The following A2ML1 variants were observed in gnomAD, a reference collection of about 807,000 sequenced individuals.
A2ML1 encodes alpha-2-macroglobulin-like protein 1.
A2ML1 carries 161 observed loss-of-function variants against 181.9 expected under a neutral mutation model. The ratio of observed to expected loss-of-function variants is 0.89; its 90% CI spans 0.78 to 1.01. The LOEUF is 1.01. Ranked by LOEUF, A2ML1 falls within the 50% of genes least tolerant of loss-of-function variation. The pLI is 0.00. For missense variants in A2ML1, 1,670 were observed against 1,768.1 expected, an observed-to-expected ratio of 0.94 and a Z score of 1.00; for synonymous variants, 663 against 666.8, an observed-to-expected ratio of 0.99 and a Z score of 0.09.
In A2ML1 at chr12:8,851,413, CT is replaced by C. The variant is rs374944221; in HGVS notation, c.2235-360del. 1.9e-3 allele frequency among the ~76,000 whole-genome samples: 281 copies of C among 144,970 alleles called. 2 individuals carry two copies. Among genetic ancestry groups the C allele is most frequent in the East Asian group, 0.012 (60 of 4,950 alleles). On this transcript the variant is annotated intron_variant, in intron 18 of 35. Transcript: ENST00000299698. ...TTTACTTCTGCAGATGAATTTGTAG[CT>C]TTTTTTTTTTGGACAGGGTCTTGCC... is the stretch of plus-strand genomic sequence containing the variant.
At chr12:8,823,933 C>G (rs1252566930) in intron 3 of A2ML1, 51 bp downstream of exon 3, 1 of 1,564,388 alleles carries the variant, frequency 6.4e-7, no homozygotes, top group South Asian at 1.2e-5. Context: ...AACCGCTGTG[C>G]ACAGGGGTAA....
rs1478201192 is a variant in A2ML1, at chr12:8,845,091, T to A, written c.1477-351T>A. The A allele has an allele frequency of 2.1e-6, 3 of 1,445,884 alleles. No homozygotes were observed. In the Admixed American group the frequency reaches 8.2e-5, roughly 39 times the overall value. The allele number at this position is 1,445,884 out of a possible 1,614,324, so 89.6% of individuals were successfully genotyped here. On this transcript the variant is annotated intron_variant, in intron 12 of 35. Coordinates refer to ENST00000299698, the MANE Select transcript of A2ML1 (RefSeq NM_144670.6). ...TGTAATTAAAAAACACTTATGAGGA[T>A]AGATTTTCGCTGACTTTCTGTTACA...
chr12:8,827,276 G>T lies in A2ML1; in HGVS notation c.410-2451G>T, dbSNP rs1592099937. On this transcript the variant is annotated intron_variant, in intron 3 of 35. Transcript: ENST00000299698. ...AATCACTTGAACCAGGGAGGCGGAG[G>T]TCACATGAGCCAAGATCACATTACT... Among the ~76,000 whole-genome samples, 2 of 152,208 alleles carry T rather than the reference G, an allele frequency of 1.3e-5. 1 individual carries two copies. Among genetic ancestry groups the T allele is most frequent in the South Asian group, 4.1e-4 (2 of 4,824 alleles).
intron 7 of A2ML1, among the ~76,000 whole-genome samples, chr12:8,882,989 G>T (rs1002967862): frequency 1.3e-5 from 2 of 152,008 alleles, no homozygotes; most frequent in Non-Finnish European, 2.9e-5. Flanking sequence ...CGGAACATTT[G>T]GTTCCCAATT....
intron 28 of A2ML1, among the ~76,000 whole-genome samples, chr12:8,863,305 C>T (rs1322082586): frequency 6.6e-6 from 1 of 151,992 alleles, no homozygotes; most frequent in East Asian, 1.9e-4. Flanking sequence ...AGGGTTTCTC[C>T]ATGTTGGTCA....
At position 8,847,639 on chromosome 12, in the gene A2ML1, C is replaced by T. The variant is rs748309907; in HGVS notation, c.1774C>T (p.Arg592Trp). 29 of 1,613,702 alleles carry T rather than the reference C, an allele frequency of 1.8e-5. No individual in the cohort carries two copies. Among genetic ancestry groups the T allele is most frequent in the East Asian group, 8.9e-5 (4 of 44,790 alleles). ...AGCTCCCGGATCCCTGTGTGCGCTC[C>T]GGGCGGTGGATGAGAGTGTCTTACT... ...QAAPGSLCAL[R>W]AVDESVLLLR... is the part of the protein sequence containing the mutation. Residue 592 changes from arginine (R) to tryptophan (W), a missense_variant, in exon 15 of 36, where the codon CGG becomes TGG. Coordinates refer to ENST00000299698, the MANE Select transcript of A2ML1 (RefSeq NM_144670.6).
chr12:8,853,617 G>GA (rs1252206564), intron 20 of A2ML1, among the ~76,000 whole-genome samples: 7 of 152,140 alleles, frequency 4.6e-5, no homozygotes, highest in Admixed American at 1.3e-4. Context: ...GATCCTTACA[G>GA]GCTGCTAGAC....
At chr12:8,843,745 G>A (rs151203389) in intron 12 of A2ML1, among the ~76,000 whole-genome samples, 2,191 of 138,100 alleles carry the variant, frequency 0.016, 29 homozygotes, top group African/African-American at 0.04. Flanking sequence ...TTGAGACACA[G>A]TCTCGCTCAG....
rs764222230 is a variant in A2ML1, at chr12:8,863,976, C to T, written c.3685C>T (p.His1229Tyr). 46 of 1,612,778 alleles carry T rather than the reference C, an allele frequency of 2.9e-5. No individual in the cohort carries two copies. Among genetic ancestry groups the T allele is most frequent in the East Asian group, 4.5e-5 (2 of 44,890 alleles). The stretch of plus-strand genomic sequence containing the variant: ...CATAGTGGCTTGGTTGGCCAAGCAA[C>T]ACAATGCATATGGGGGCTTCTCTTC... ...TSIVAWLAKQ[H>Y]NAYGGFSSTQ... Residue 1229 changes from histidine to tyrosine, a missense_variant, in exon 29 of 36, where the codon CAC becomes TAC. Coordinates refer to ENST00000299698, the MANE Select transcript of A2ML1 (RefSeq NM_144670.6).
At chr12:8,842,346 G>A (rs886859327) in intron 11 of A2ML1, among the ~76,000 whole-genome samples, 2 of 151,834 alleles carry the variant, frequency 1.3e-5, no homozygotes, top group African/African-American at 4.8e-5. Flanking sequence ...GCCTCCCCGA[G>A]TAGCTGGGAC....
At chr12:8,837,181 A>G (rs1198036611) in intron 7 of A2ML1, among the ~76,000 whole-genome samples, 2 of 151,974 alleles carry the variant, frequency 1.3e-5, no homozygotes, top group Non-Finnish European at 2.9e-5. Flanking sequence ...CACCATGCCC[A>G]GCAAATTTTT....
intron 3 of A2ML1, among the ~76,000 whole-genome samples, chr12:8,827,450 C>G (rs184416800): frequency 3.3e-5 from 5 of 152,148 alleles, no homozygotes; most frequent in African/African-American, 1.2e-4. Flanking sequence ...AAAGTCAATA[C>G]CTCTTTTTTT....
chr12:8,839,310 T>G, intron 10 of A2ML1, 88 bp downstream of exon 10: 1 of 839,818 alleles, frequency 1.2e-6, no homozygotes, highest in Non-Finnish European at 1.9e-6. Context: ...CATAGCTAAC[T>G]TAGTGCTGTT....
At chr12:8,860,835 GCTGCTGC>G (rs1276985679) in intron 26 of A2ML1, 39 bp from the exon 27 acceptor site, 25 of 1,545,228 alleles carry the variant, frequency 1.6e-5, no homozygotes, top group Non-Finnish European at 2.1e-5. Flanking sequence ...AATTCTTGCA[GCTGCTGC>G]CTGCTGCCCT....
chr12:8,839,225 A>G lies in A2ML1; in HGVS notation c.1080+3A>G. ...CAAATTTCCCCTTCAGTGGGAAGGTATGTTAAAACTTTTCTCTGCATAGAC... is the reference window on the plus strand; with the variant it reads ...CAAATTTCCCCTTCAGTGGGAAGGTGTGTTAAAACTTTTCTCTGCATAGAC... On this transcript the variant is annotated splice_donor_region_variant and intron_variant, in intron 10 of 35. Coordinates refer to ENST00000299698, the MANE Select transcript of A2ML1 (RefSeq NM_144670.6). 6.2e-7 allele frequency: 1 copy of G among 1,607,390 alleles called. No individual in the cohort carries two copies. Among genetic ancestry groups the G allele is most frequent in the Non-Finnish European group, 8.5e-7 (1 of 1,174,684 alleles).
chr12:8,830,042 CATTTT>C (rs761928363), intron 4 of A2ML1, among the ~76,000 whole-genome samples: 2 of 152,034 alleles, frequency 1.3e-5, no homozygotes, highest in African/African-American at 2.4e-5. Flanking sequence ...TGCTCCTTGT[CATTTT>C]ATTTTATTTA....
At chr12:8,863,608 G>GGT (rs1353987950) in intron 28 of A2ML1, among the ~76,000 whole-genome samples, 186 bp from the exon 29 acceptor site, 22 of 152,240 alleles carry the variant, frequency 1.4e-4, no homozygotes, top group East Asian at 9.7e-4. Context: ...TTTACACACA[G>GGT]GCACGCACAT....
At chr12:8,880,272 A>G (rs1000265639), downstream of A2ML1, among the ~76,000 whole-genome samples, 3 of 152,214 alleles carry the variant, frequency 2.0e-5, no homozygotes, top group African/African-American at 4.8e-5. Flanking sequence ...AGGCTGAGGC[A>G]TGAGAATTGC....
chr12:8,848,003 A>G (rs902059772), intron 15 of A2ML1, among the ~76,000 whole-genome samples: 1 of 126,430 alleles, frequency 7.9e-6, no homozygotes, highest in African/African-American at 3.1e-5. Flanking sequence ...AAAAAAAAAA[A>G]TTAACTGGGC....
Sources: gnomAD v4.1 joint callset for allele counts (sites outside exome capture counted in the v4.1 genomes callset) on GRCh38, gnomAD v4.1.1 for gene constraint, MANE v1.5 for transcripts, NCBI Gene and HGNC (gene_info 2026-07-23, HGNC 2026-07-21) for gene names.